UNC79: variants seen among roughly 807,000 people sequenced by gnomAD.
The protein encoded by UNC79 is unc-79 subunit of NALCN channel complex, also known as protein unc-79 homolog.
In UNC79, 37 loss-of-function variants were observed where a neutral mutation model predicts 283.1. That is an observed-to-expected ratio of 0.13 (90% confidence interval 0.10 to 0.17). The LOEUF is 0.17. Among genes scored for constraint, UNC79 ranks in the 10% least tolerant of loss-of-function variants. UNC79 has a pLI of 1.00. For synonymous variants in UNC79, 1,107 were observed against 1,200.2 expected, an observed-to-expected ratio of 0.92 and a Z score of 1.61; for missense variants, 2,272 against 3,211.1, an observed-to-expected ratio of 0.71 and a Z score of 7.07.
chr14:93,449,961 T>C (rs974846946), intron 1 of UNC79, among the ~76,000 whole-genome samples: 9 of 152,224 alleles, frequency 5.9e-5, no homozygotes, highest in Admixed American at 1.3e-4. Flanking sequence ...AGTGTGTACA[T>C]AATTGTACGC....
intron 30 of UNC79, among the ~76,000 whole-genome samples, chr14:93,629,124 A>G (rs1028048356): frequency 7.9e-5 from 12 of 152,106 alleles, no homozygotes; most frequent in African/African-American, 2.9e-4. Flanking sequence ...ACTTGAACCT[A>G]GGAGGCAGAG....
chr14:93,687,998 C>G (rs1475222313), intron 43 of UNC79, among the ~76,000 whole-genome samples: 1 of 152,122 alleles, frequency 6.6e-6, no homozygotes, highest in South Asian at 2.1e-4. Context: ...AGACCTGGGT[C>G]TAGAACCTAG....
intron 1 of UNC79, among the ~76,000 whole-genome samples, chr14:93,371,138 C>T (rs1015720928): frequency 6.6e-6 from 1 of 152,084 alleles, no homozygotes; most frequent in African/African-American, 2.4e-5. Flanking sequence ...CCCTGTAATC[C>T]CAGCACTTTG....
At position 93,631,361 on chromosome 14, in the gene UNC79, A is replaced by T. The variant is rs558779711; in HGVS notation, c.5716+453A>T. Among the ~76,000 whole-genome samples the T allele has an allele frequency of 4.6e-5, 7 of 152,250 alleles. No homozygotes were observed. The South Asian group carries it at 1.5e-3, about 32-fold the overall frequency. ...AAATGTATGATATATCATATTCCCAAAGTCATGACTGAATTTAGCTCTTTT... is the reference window on the plus strand; with the variant it reads ...AAATGTATGATATATCATATTCCCATAGTCATGACTGAATTTAGCTCTTTT... On this transcript the variant is annotated intron_variant, in intron 31 of 48. Coordinates refer to ENST00000555664, the Ensembl canonical transcript of UNC79.
Position 93,431,014 on chromosome 14 carries a change from C to T in UNC79, c.-16C>T, listed in dbSNP as rs1021280881. The T allele has an allele frequency of 1.6e-4, 113 of 701,634 alleles. 1 individual carries two copies. In the East Asian group the frequency reaches 2.9e-3, roughly 18 times the overall value. 43.5% of individuals were successfully genotyped at this position (701,634 alleles called of 1,614,324 possible). On this transcript the variant is annotated 5_prime_UTR_variant, in exon 1 of 49. Transcript: ENST00000555664. ...ACACAGATTTTGGGGCAAAGCCTTT[C>T]CAACTGGACAGCACCATGTCCACCA...
intron 34 of UNC79, 46 bp downstream of exon 37, chr14:93,643,743 A>C: frequency 1.2e-6 from 2 of 1,602,132 alleles, no homozygotes; most frequent in Non-Finnish European, 1.7e-6. Flanking sequence ...TCCTTTATTC[A>C]GTCTCTATCT....
chr14:93,511,863 G>C (rs575641551), intron 7 of UNC79, among the ~76,000 whole-genome samples: 1 of 152,038 alleles, frequency 6.6e-6, no homozygotes, highest in Non-Finnish European at 1.5e-5. Flanking sequence ...TTACTATCTT[G>C]TTTCTTTTAC....
At chr14:93,627,470 C>T (rs1395237186) in intron 30 of UNC79, among the ~76,000 whole-genome samples, 1 of 152,150 alleles carries the variant, frequency 6.6e-6, no homozygotes, top group East Asian at 1.9e-4. Flanking sequence ...GGGGATTGGC[C>T]AAGGCTGGGT....
Position 93,577,997 on chromosome 14 carries a change from T to A in UNC79, c.2367T>A (p.Phe789Leu), listed in dbSNP as rs752465059. The A allele has an allele frequency of 1.9e-6, 3 of 1,614,130 alleles. No homozygotes were observed. In the African/African-American group the frequency reaches 4.0e-5, roughly 22 times the overall value. The change falls in exon 18 of 49, where the codon TTT (phenylalanine) becomes TTA (leucine). Residue 789 changes from phenylalanine (F) to leucine (L), a missense_variant. Around this residue, in one of 11 missense-constraint regions of UNC79, gnomAD observed 356 missense variants for 416.2 expected, o/e 0.86. Transcript: ENST00000555664. Reference sequence around the variant, plus strand: ...ACCCAGGAGGAAGGACTATTGACTTTGATTGTGAAGATGATGAAATGAATC... The same window carrying A: ...ACCCAGGAGGAAGGACTATTGACTTAGATTGTGAAGATGATGAAATGAATC...
intron 30 of UNC79, among the ~76,000 whole-genome samples, chr14:93,623,761 C>T (rs369125862): frequency 5.9e-5 from 9 of 152,096 alleles, no homozygotes; most frequent in East Asian, 1.9e-4. Context: ...GGCGTGGTGG[C>T]GCACGCCTAT....
At chr14:93,639,031 T>C (rs941549129) in intron 32 of UNC79, among the ~76,000 whole-genome samples, 2 of 152,192 alleles carry the variant, frequency 1.3e-5, no homozygotes, top group Non-Finnish European at 2.9e-5. Context: ...TTCACAATGC[T>C]ATTGTCAAAA....
At chr14:93,497,981 T>C (rs1233259127) in intron 7 of UNC79, among the ~76,000 whole-genome samples, 1 of 148,728 alleles carries the variant, frequency 6.7e-6, no homozygotes, top group East Asian at 2.0e-4. Flanking sequence ...CGAGATTCTG[T>C]CTAAAAAAAA....
intron 14 of UNC79, among the ~76,000 whole-genome samples, chr14:93,559,552 C>T (rs1415098032): frequency 1.3e-5 from 2 of 151,844 alleles, no homozygotes; most frequent in Non-Finnish European, 2.9e-5. Context: ...TGGAAAATTA[C>T]AGTCAAAGGG....
chr14:93,514,998 A>G lies in UNC79; in HGVS notation c.899-8980A>G, dbSNP rs1421394485. On this transcript the variant is annotated intron_variant, in intron 7 of 48. Transcript: ENST00000555664. ...TCTTTCTGGAATTCTAATGGCATTTATGTTAGACCTTTCTCTCGTACATCC... is the reference window on the plus strand; with the variant it reads ...TCTTTCTGGAATTCTAATGGCATTTGTGTTAGACCTTTCTCTCGTACATCC... Among the ~76,000 whole-genome samples, 4 of 152,170 alleles carry G rather than the reference A, an allele frequency of 2.6e-5. No homozygotes were observed. In the South Asian group the frequency reaches 6.2e-4, roughly 24 times the overall value.
intron 40 of UNC79, 76 bp downstream of exon 43, chr14:93,662,790 G>A: frequency 8.7e-7 from 1 of 1,151,116 alleles, no homozygotes. Flanking sequence ...TCAGTGTCAA[G>A]TCCCTTTTAG....
intron 22 of UNC79, among the ~76,000 whole-genome samples, chr14:93,592,852 G>A (rs2064795592): frequency 6.6e-6 from 1 of 152,150 alleles, no homozygotes; most frequent in South Asian, 2.1e-4. Context: ...TGTTATCAGG[G>A]ATCTCTTTCT....
At chr14:93,672,843 G>T (rs1294093625) in intron 40 of UNC79, among the ~76,000 whole-genome samples, 1 of 152,158 alleles carries the variant, frequency 6.6e-6, no homozygotes, top group African/African-American at 2.4e-5. Flanking sequence ...TCCAAAAAAG[G>T]ATGAATCAAA....
At chr14:93,385,530 G>A (rs146047202) in intron 1 of UNC79, among the ~76,000 whole-genome samples, 5,147 of 152,250 alleles carry the variant, frequency 0.034, 180 homozygotes, top group Admixed American at 0.11. Context: ...TGTAATCCCA[G>A]CACTTTGGGA....
intron 4 of UNC79, among the ~76,000 whole-genome samples, chr14:93,485,280 T>G (rs1233667762): frequency 1.3e-5 from 2 of 151,016 alleles, no homozygotes; most frequent in African/African-American, 4.9e-5. Flanking sequence ...TGAATACATC[T>G]GAGACAAGAA....
Sources: allele counts gnomAD v4.1 joint callset (sites outside exome capture counted in the v4.1 genomes callset), GRCh38; gene constraint gnomAD v4.1.1; regional missense constraint gnomAD v4.1.1; transcripts MANE v1.5; gene names NCBI Gene and HGNC (gene_info 2026-07-23, HGNC 2026-07-21).